Variants in SECISBP2 observed in about 807,000 individuals in gnomAD.
SECISBP2 encodes selenocysteine insertion sequence-binding protein 2.
SECISBP2 carries 96 observed loss-of-function variants against 98.2 expected under a neutral mutation model. That is an observed-to-expected ratio of 0.98 (90% CI 0.83 to 1.16). SECISBP2 has a LOEUF of 1.16. SECISBP2 is among the 50% of genes most tolerant of loss of function. The pLI, the probability that SECISBP2 is intolerant of heterozygous loss-of-function variation, is 0.00. For missense variants in SECISBP2, 1,046 were observed against 1,022.9 expected (o/e 1.02, Z -0.31); for synonymous variants, 407 against 370.2 (o/e 1.10, Z -1.14).
chr9:89,319,460 C>T (rs1024398215), intron 1 of SECISBP2, among the ~76,000 whole-genome samples, 192 bp from the exon 2 acceptor site: 1 of 151,556 alleles, frequency 6.6e-6, no homozygotes, highest in Non-Finnish European at 1.5e-5. Context: ...TGAACTACTG[C>T]CTTTTCTACA....
chr9:89,339,853 G>T lies in SECISBP2; in HGVS notation c.1213-11G>T. ...TAACAAAAGAGCTAAAGGGGTGTGT[G>T]GTTTACTTAGGATGCCGAGGAATTT... On this transcript the variant is annotated splice_polypyrimidine_tract_variant and intron_variant, in intron 8 of 16. Coordinates refer to ENST00000375807, the MANE Select transcript of SECISBP2 (RefSeq NM_024077.5). 2 of 1,603,228 alleles carry T rather than the reference G, an allele frequency of 1.2e-6. No homozygotes were observed. The highest frequency in any genetic ancestry group is 2.2e-5 in the South Asian group (2 of 90,854).
rs754741939 is a variant in SECISBP2, at chr9:89,339,905, A to C, written c.1254A>C (p.Arg418Ser). ...CCAACCTGGCAGTTGCATCTGAAAG[A>C]AGAGACAGAATAGAGACACCGAAAT... ...EFPNLAVASE[R>S]RDRIETPKFQ... is the part of the protein sequence containing the mutation. Residue 418 changes from arginine to serine, a missense_variant, in exon 9 of 17, where the codon AGA becomes AGC. Arg to Ser is a moderately radical substitution (Grantham distance 110, BLOSUM62 -1). Transcript: ENST00000375807. 6.2e-7 allele frequency: 1 copy of C among 1,613,908 alleles called. No homozygotes were observed. The highest frequency in any genetic ancestry group is 1.1e-5 in the South Asian group (1 of 91,082).
chr9:89,325,438 A>G lies in SECISBP2; in HGVS notation c.194A>G (p.Tyr65Cys). 1 of 1,614,048 alleles carries G rather than the reference A, an allele frequency of 6.2e-7. No homozygotes were observed. The highest frequency in any genetic ancestry group is 1.1e-5 in the South Asian group (1 of 91,084). ...QEPPVTEQKI[Y>C]TEDMAFGAST... is the part of the protein sequence containing the mutation. ...CACTTTTTACTTAGGCAGAAAATAT[A>G]TACTGAAGACATGGCCTTTGGAGCT... Residue 65 changes from tyrosine to cysteine, a missense_variant, in exon 3 of 17, where the codon TAT (tyrosine) becomes TGT (cysteine). Physicochemically the swap from Tyr to Cys is radical, Grantham distance 194. Coordinates refer to ENST00000375807, the MANE Select transcript of SECISBP2 (RefSeq NM_024077.5).
At chr9:89,335,667 G>A (rs774538082) in intron 7 of SECISBP2, among the ~76,000 whole-genome samples, 2 of 152,054 alleles carry the variant, frequency 1.3e-5, no homozygotes, top group Non-Finnish European at 2.9e-5. Flanking sequence ...AATCCTAACT[G>A]TAATTGGGTT....
intron 14 of SECISBP2, among the ~76,000 whole-genome samples, chr9:89,353,431 T>G (rs1831587376): frequency 6.6e-6 from 1 of 152,172 alleles, no homozygotes; most frequent in Non-Finnish European, 1.5e-5. Context: ...AGATGTGTGG[T>G]GCGTCATGTC....
chr9:89,365,908 C>T, the SECISBP2 span, among the ~76,000 whole-genome samples: 1 of 152,206 alleles, frequency 6.6e-6, no homozygotes, highest in African/African-American at 2.4e-5. Flanking sequence ...CTGACTGTGG[C>T]ATCTGCTCAT....
rs142300786 is a variant in SECISBP2, at chr9:89,332,531, T to G, written c.802-377T>G. On this transcript the variant is annotated intron_variant, in intron 5 of 16. Coordinates refer to ENST00000375807, the MANE Select transcript of SECISBP2 (RefSeq NM_024077.5). ...CTATCTTTTTATTGTCTCCACAGTT[T>G]TGTCTTTTCTAGAATGTCATATAGT... The G allele has an allele frequency of 2.2e-3, 596 of 276,756 alleles. 3 individuals carry two copies. Among genetic ancestry groups the G allele is most frequent in the African/African-American group, 0.012 (525 of 44,396 alleles). 17.1% of individuals were successfully genotyped at this position (276,756 alleles called of 1,614,324 possible).
At chr9:89,348,018 GA>G in intron 11 of SECISBP2, 60 bp from the exon 12 acceptor site, 1 of 1,506,672 alleles carries the variant, frequency 6.6e-7, no homozygotes, top group South Asian at 1.2e-5. Context: ...TTAATTTGCA[GA>G]AGAGCTTATC....
chr9:89,336,825 GCAATGGCGTGAT>G (rs1310735559), intron 7 of SECISBP2, among the ~76,000 whole-genome samples: 4 of 139,742 alleles, frequency 2.9e-5, no homozygotes, highest in Non-Finnish European at 6.0e-5. Context: ...AGGTTGGAGT[GCAATGGCGTGAT>G]CTCGGCTCAC....
chr9:89,338,543 A>G lies in SECISBP2; in HGVS notation c.1175A>G (p.Tyr392Cys), dbSNP rs755338977. The change falls in exon 8 of 17, where the codon TAT becomes TGT. Residue 392 changes from tyrosine to cysteine, a missense_variant. Tyr to Cys is a radical substitution (Grantham distance 194, BLOSUM62 -2). Coordinates refer to ENST00000375807, the MANE Select transcript of SECISBP2 (RefSeq NM_024077.5). Reference protein sequence around the residue: ...KKKKEKSTSKYEVLTVQEPPR... With the variant: ...KKKKEKSTSKCEVLTVQEPPR... The stretch of plus-strand genomic sequence containing the variant: ...AAGAAAGAAAAATCTACATCAAAAT[A>G]TGAAGTCCTGACAGTTCAAGAGCCT... The G allele has an allele frequency of 4.3e-6, 7 of 1,612,976 alleles. No homozygotes were observed. In the Admixed American group the frequency reaches 5.0e-5, roughly 12 times the overall value.
At chr9:89,343,973 C>A (rs957794004) in intron 10 of SECISBP2, among the ~76,000 whole-genome samples, 3 of 152,202 alleles carry the variant, frequency 2.0e-5, no homozygotes, top group Non-Finnish European at 2.9e-5. Flanking sequence ...ATAAGCGATT[C>A]TTTTTCTCCG....
intron 9 of SECISBP2, among the ~76,000 whole-genome samples, chr9:89,340,375 A>G (rs1829475161): frequency 6.6e-6 from 1 of 152,148 alleles, no homozygotes; most frequent in African/African-American, 2.4e-5. Flanking sequence ...AATAGAAGCT[A>G]AAGTGGAGGT....
chr9:89,338,926 A>G (rs1829225980), intron 8 of SECISBP2, among the ~76,000 whole-genome samples: 1 of 147,622 alleles, frequency 6.8e-6, no homozygotes, highest in African/African-American at 2.5e-5. Flanking sequence ...TGGCTTTTGC[A>G]GGGCCTCCTT....
At chr9:89,337,409 G>A (rs564563299) in intron 7 of SECISBP2, among the ~76,000 whole-genome samples, 10 of 152,266 alleles carry the variant, frequency 6.6e-5, no homozygotes, top group Admixed American at 3.3e-4. Context: ...ATCTACTTAT[G>A]GAAAAGGTCA....
intron 8 of SECISBP2, 140 bp downstream of exon 8, chr9:89,338,720 T>A: frequency 3.5e-6 from 3 of 857,334 alleles, no homozygotes; most frequent in African/African-American, 1.7e-5. Context: ...AAGAAAACAG[T>A]AGCCACTCTT....
intron 7 of SECISBP2, among the ~76,000 whole-genome samples, chr9:89,335,428 G>A (rs986643661): frequency 6.6e-6 from 1 of 151,878 alleles, no homozygotes; most frequent in Non-Finnish European, 1.5e-5. Context: ...CGCCTCTCAG[G>A]CTCAAGCAAT....
At chr9:89,348,235 C>T (rs1416265542) in intron 12 of SECISBP2, 21 bp downstream of exon 12, 1 of 1,614,024 alleles carries the variant, frequency 6.2e-7, no homozygotes, top group South Asian at 1.1e-5. Context: ...CTCTTTGTGC[C>T]TTAAGAATAA....
downstream of SECISBP2, chr9:89,363,455 A>C: frequency 1.2e-6 from 2 of 1,613,736 alleles, no homozygotes; most frequent in Non-Finnish European, 1.7e-6. Flanking sequence ...GCTCTGCATC[A>C]TCCGGTCGTG....
chr9:89,318,937 G>T (rs1441430399), intron 1 of SECISBP2: 54 of 1,190,690 alleles, frequency 4.5e-5, no homozygotes, highest in Non-Finnish European at 5.5e-5. Flanking sequence ...TCTTGGGAAC[G>T]GATAGATTGT....
Sources: allele counts gnomAD v4.1 joint callset (sites outside exome capture counted in the v4.1 genomes callset), GRCh38; gene constraint gnomAD v4.1.1; transcripts MANE v1.5; gene names NCBI Gene and HGNC (gene_info 2026-07-23, HGNC 2026-07-21).